PPEF1: variants seen among roughly 807,000 people sequenced by gnomAD.
PPEF1 encodes the protein serine/threonine-protein phosphatase with EF-hands 1.
PPEF1 carries 12 observed loss-of-function variants against 53.3 expected under a neutral mutation model. That is an observed-to-expected ratio of 0.23 (90% CI 0.14 to 0.36). The LOEUF (loss-of-function observed/expected upper bound fraction) is 0.36. PPEF1 is among the 10% of genes least tolerant of loss of function. The pLI, the probability that PPEF1 is intolerant of heterozygous loss-of-function variation, is 1.00. For missense variants in PPEF1, 334 were observed against 490.4 expected (o/e 0.68, Z 3.01); for synonymous variants, 165 against 176.7 (o/e 0.93, Z 0.52).
At chrX:18,693,451 T>G (rs1441160446) in intron 4 of PPEF1, among the ~76,000 whole-genome samples, 2 of 112,526 alleles carry the variant, frequency 1.8e-5, no homozygotes, top group Non-Finnish European at 3.8e-5. Context: ...CATTTCCTGG[T>G]GTTCCCAGGT....
Position 18,753,720 on chromosome X carries a change from A to T in PPEF1, c.396+3768A>T, listed in dbSNP as rs77407212. Among the ~76,000 whole-genome samples the T allele has an allele frequency of 0.013, 1,457 of 111,582 alleles. 30 individuals carry two copies. The South Asian group carries it at 0.15, about 12-fold the overall frequency. On this transcript the variant is annotated intron_variant, in intron 4 of 15. Coordinates refer to ENST00000470157, the MANE Select transcript of PPEF1 (RefSeq NM_001377996.1). ...TTTTATTACCCATTGGTTTTTTAAG[A>T]GTATGTTGTGTAATTTCTACATATT...
upstream of PPEF1, among the ~76,000 whole-genome samples, chrX:18,704,940 A>G (rs745579135): frequency 6.3e-5 from 7 of 111,690 alleles, no homozygotes; most frequent in East Asian, 2.0e-3. Flanking sequence ...GCACAGGTCT[A>G]TATGACATGG....
intron 12 of PPEF1, 112 bp from the exon 13 acceptor site, chrX:18,817,927 A>G: frequency 1.9e-6 from 1 of 537,175 alleles, no homozygotes; most frequent in Non-Finnish European, 3.0e-6. Flanking sequence ...ATATGTGAGA[A>G]TCTGGGCAAT....
chrX:18,788,310 A>C, intron 9 of PPEF1, among the ~76,000 whole-genome samples: 1 of 70,578 alleles, frequency 1.4e-5, no homozygotes, highest in South Asian at 5.2e-4. Context: ...GTCTCAAAAA[A>C]AAAAAAAAAA....
intron 10 of PPEF1, among the ~76,000 whole-genome samples, chrX:18,792,198 G>A (rs767958871): frequency 8.9e-6 from 1 of 112,381 alleles, no homozygotes; most frequent in Admixed American, 9.5e-5. Flanking sequence ...AGAGGAATTG[G>A]AAAGTATTGT....
intron 3 of PPEF1, among the ~76,000 whole-genome samples, chrX:18,689,461 G>A (rs763272923): frequency 1.2e-4 from 13 of 105,343 alleles, no homozygotes; most frequent in African/African-American, 3.8e-4. Flanking sequence ...CAGCCTGGGC[G>A]CGATCATAGC....
intron 13 of PPEF1, among the ~76,000 whole-genome samples, chrX:18,822,688 T>C (rs1276792842): frequency 9.0e-6 from 1 of 110,588 alleles, no homozygotes; most frequent in South Asian, 3.9e-4. Context: ...TTTTGTATTT[T>C]TAGTAGAGAC....
At chrX:18,708,296 A>G (rs2044246209) in intron 1 of PPEF1, among the ~76,000 whole-genome samples, 1 of 111,991 alleles carries the variant, frequency 8.9e-6, no homozygotes, top group African/African-American at 3.2e-5. Flanking sequence ...ATAATCTAGG[A>G]GAATTGGGAG....
chrX:18,731,926 C>T (rs1446901200), intron 2 of PPEF1, among the ~76,000 whole-genome samples: 3 of 111,923 alleles, frequency 2.7e-5, no homozygotes, highest in Middle Eastern at 4.6e-3. Context: ...CTCGCTCTGT[C>T]GCTGGGCTGG....
intron 10 of PPEF1, among the ~76,000 whole-genome samples, chrX:18,800,583 T>C (rs150603536): frequency 2.7e-5 from 3 of 112,166 alleles, no homozygotes; most frequent in East Asian, 5.5e-4. Flanking sequence ...CTGGAGATGA[T>C]TTATAGTACA....
chrX:18,786,780 C>CA (rs761641178), intron 9 of PPEF1, among the ~76,000 whole-genome samples: 4,653 of 58,715 alleles, frequency 0.079, 204 homozygotes, highest in Middle Eastern at 0.13. Flanking sequence ...AACACTATCT[C>CA]AAAAAAAAAA....
At chrX:18,769,636 A>G (rs772110678) in intron 6 of PPEF1, among the ~76,000 whole-genome samples, 1 of 110,795 alleles carries the variant, frequency 9.0e-6, no homozygotes, top group South Asian at 3.8e-4. Context: ...TCTCTTCCCC[A>G]CCATCCTCCA....
intron 1 of PPEF1, among the ~76,000 whole-genome samples, chrX:18,716,464 G>A (rs866071848): frequency 5.8e-5 from 6 of 103,956 alleles, no homozygotes; most frequent in African/African-American, 1.4e-4. Context: ...CCCAGGAGGC[G>A]GAGCTTGCAG....
chrX:18,788,907 G>C (rs1015591126), intron 9 of PPEF1, among the ~76,000 whole-genome samples: 35 of 112,663 alleles, frequency 3.1e-4, no homozygotes, highest in African/African-American at 1.1e-3. Flanking sequence ...GGCAATGTCT[G>C]TAATTGGAAA....
At chrX:18,816,507 T>C (rs984454190) in intron 12 of PPEF1, among the ~76,000 whole-genome samples, 1 of 111,999 alleles carries the variant, frequency 8.9e-6, no homozygotes, top group African/African-American at 3.2e-5. Flanking sequence ...TGTAATTCTC[T>C]TGTTGTTGGG....
At chrX:18,744,527 T>G (rs1211234898) in intron 3 of PPEF1, among the ~76,000 whole-genome samples, 1 of 111,817 alleles carries the variant, frequency 8.9e-6, no homozygotes, top group East Asian at 2.8e-4. Context: ...CTGCCATACA[T>G]AGCCATAGGT....
chrX:18,764,923 C>A lies in PPEF1; in HGVS notation c.558+3347C>A, dbSNP rs1164772919. On this transcript the variant is annotated intron_variant, in intron 6 of 15. Coordinates refer to ENST00000470157, the MANE Select transcript of PPEF1 (RefSeq NM_001377996.1). Reference sequence around the variant, plus strand: ...GAGAAAAGAGAATTCTAACATATTTCTTTAATTCTGTCTGCAAAACTATAT... The same window carrying A: ...GAGAAAAGAGAATTCTAACATATTTATTTAATTCTGTCTGCAAAACTATAT... Among the ~76,000 whole-genome samples, 3 of 111,809 alleles carry A rather than the reference C, an allele frequency of 2.7e-5. No homozygotes were observed. The Admixed American group carries it at 2.9e-4, about 11-fold the overall frequency.
intron 1 of PPEF1, among the ~76,000 whole-genome samples, chrX:18,716,993 C>A (rs761684785): frequency 9.1e-6 from 1 of 109,468 alleles, no homozygotes; most frequent in Non-Finnish European, 1.9e-5. Flanking sequence ...TTCTGCCTCT[C>A]CTGCTCATTC....
At chrX:18,685,698 A>G (rs1235919727) in intron 2 of PPEF1, among the ~76,000 whole-genome samples, 8 of 108,559 alleles carry the variant, frequency 7.4e-5, no homozygotes, top group Admixed American at 9.9e-5. Context: ...AAAAAAAAAA[A>G]AAAAAGAAAA....
Sources: allele counts gnomAD v4.1 joint callset (sites outside exome capture counted in the v4.1 genomes callset), GRCh38; gene constraint gnomAD v4.1.1; transcripts MANE v1.5; gene names NCBI Gene and HGNC (gene_info 2026-07-23, HGNC 2026-07-21).